The following SLC15A5 variants were observed in gnomAD, a reference collection of about 807,000 sequenced individuals.
SLC15A5 encodes Peptide/histidine transporter ENSP00000340402.
SLC15A5 carries 58 observed loss-of-function variants against 56.1 expected under a neutral mutation model. The observed-to-expected ratio is 1.03, with a 90% CI of 0.84 to 1.29. The LOEUF (loss-of-function observed/expected upper bound fraction) is 1.29, where lower values mean the gene tolerates loss of function less well. Among genes scored for constraint, SLC15A5 ranks in the 50% most tolerant of loss-of-function variants. The pLI, the probability that SLC15A5 is intolerant of heterozygous loss-of-function variation, is 0.00. For synonymous variants in SLC15A5, 264 were observed against 250.5 expected (o/e 1.05, Z -0.51); for missense variants, 681 against 672.1 (o/e 1.01, Z -0.15).
Position 16,257,709 on chromosome 12 carries a change from G to T in SLC15A5, c.746C>A (p.Ser249Ter). 2 of 1,463,690 alleles carry T rather than the reference G, an allele frequency of 1.4e-6. No individual in the cohort carries two copies. Among genetic ancestry groups the T allele is most frequent in the Non-Finnish European group, 1.8e-6 (2 of 1,117,828 alleles). The allele number at this position is 1,463,690 out of a possible 1,614,324, so 90.7% of individuals were successfully genotyped here. A position where few individuals can be genotyped will look rare whatever the true frequency, so the allele number is the denominator to read the frequency against. The change falls in exon 3 of 9, where the codon TCA (serine) becomes TAA (stop). Residue 249 changes from serine to a stop codon, truncating the protein, a stop_gained. Coordinates refer to ENST00000344941, the MANE Select transcript of SLC15A5 (RefSeq NM_001170798.1). LOFTEE classifies it high-confidence loss of function. The part of the protein sequence containing the change: ...HMIYYNLIYQ[S>*]EKRCSLLTGV... Reference sequence around the variant, plus strand: ...ACGCATAATTTACTTACGTTTTTCTGACTGATAAATTAGGTTGTAGTATAT... The same window carrying T: ...ACGCATAATTTACTTACGTTTTTCTTACTGATAAATTAGGTTGTAGTATAT...
chr12:16,208,221 C>G (rs1215590975), intron 7 of SLC15A5, among the ~76,000 whole-genome samples: 1 of 152,160 alleles, frequency 6.6e-6, no homozygotes, highest in Non-Finnish European at 1.5e-5. Context: ...TATCCACCTT[C>G]CAATAAGAAG....
chr12:16,260,656 T>C (rs1864634274), intron 2 of SLC15A5, among the ~76,000 whole-genome samples: 1 of 152,018 alleles, frequency 6.6e-6, no homozygotes, highest in African/African-American at 2.4e-5. Flanking sequence ...AAGTTTAAAA[T>C]TTTAATAAAT....
chr12:16,192,559 A>T lies in SLC15A5; in HGVS notation c.1592+1786T>A, dbSNP rs528813322. Among the ~76,000 whole-genome samples, 7 of 152,130 alleles carry T rather than the reference A, an allele frequency of 4.6e-5. No individual in the cohort carries two copies. The South Asian group carries it at 1.0e-3, about 22-fold the overall frequency. ...TTGAATATTTTAATTTGGGCCCTAG[A>T]TGTTAGCTCCATGTAGACTACAAGT... On this transcript the variant is annotated intron_variant, in intron 8 of 8. Transcript: ENST00000344941.
intron 5 of SLC15A5, among the ~76,000 whole-genome samples, chr12:16,232,991 A>C (rs1278393196): frequency 1.5e-5 from 2 of 137,746 alleles, no homozygotes. Flanking sequence ...AGAGGGAGGG[A>C]GGGAGGGAAG....
chr12:16,189,711 T>G lies in SLC15A5; in HGVS notation c.1697A>C (p.Gln566Pro). 6.5e-7 allele frequency: 1 copy of G among 1,529,510 alleles called. No individual in the cohort carries two copies. Among genetic ancestry groups the G allele is most frequent in the Non-Finnish European group, 8.7e-7 (1 of 1,143,672 alleles). The allele number at this position is 1,529,510 out of a possible 1,614,324, so 94.7% of individuals were successfully genotyped here. A position where few individuals can be genotyped will look rare whatever the true frequency, so the allele number is the denominator to read the frequency against. Reference protein sequence around the residue: ...EKSLKFYGSIQEFSSSIDLWE... With the variant: ...EKSLKFYGSIPEFSSSIDLWE... ...AAGATCAATACTTGAAGAAAATTCC[T>G]GTATACTGCCATAAAATTTCAGAGA... Residue 566 changes from glutamine (Q) to proline (P), a missense_variant, in exon 9 of 9, where the codon CAG (glutamine) becomes CCG (proline). Physicochemically the swap from Gln to Pro is moderately conservative, Grantham distance 76 (BLOSUM62 -1). Coordinates refer to ENST00000344941, the MANE Select transcript of SLC15A5 (RefSeq NM_001170798.1).
chr12:16,270,168 T>G (rs568488574), intron 2 of SLC15A5, among the ~76,000 whole-genome samples: 32 of 152,312 alleles, frequency 2.1e-4, no homozygotes, highest in African/African-American at 7.5e-4. Context: ...ATTTGGCAGC[T>G]TTACTCGGAA....
intron 3 of SLC15A5, among the ~76,000 whole-genome samples, chr12:16,245,430 C>T (rs1591654154): frequency 6.6e-6 from 1 of 152,174 alleles, no homozygotes. Context: ...GTTTACATGG[C>T]TGTTGCTGCA....
chr12:16,204,871 A>G (rs1863998756), intron 7 of SLC15A5, among the ~76,000 whole-genome samples: 2 of 152,130 alleles, frequency 1.3e-5, no homozygotes, highest in Non-Finnish European at 2.9e-5. Flanking sequence ...TTAGTCCAAA[A>G]TGGGAAACCA....
intron 3 of SLC15A5, among the ~76,000 whole-genome samples, chr12:16,255,824 T>A (rs1591657398): frequency 6.6e-6 from 1 of 152,072 alleles, no homozygotes; most frequent in African/African-American, 2.4e-5. Flanking sequence ...GTGAATTATA[T>A]GTTACTTCTT....
At chr12:16,260,793 C>A (rs1864636424) in intron 2 of SLC15A5, among the ~76,000 whole-genome samples, 1 of 150,256 alleles carries the variant, frequency 6.7e-6, no homozygotes, top group Non-Finnish European at 1.5e-5. Flanking sequence ...GGGTTTTGAT[C>A]TCATATAAAG....
chr12:16,256,350 T>G (rs776985822), intron 3 of SLC15A5, among the ~76,000 whole-genome samples: 11 of 152,190 alleles, frequency 7.2e-5, no homozygotes, highest in Non-Finnish European at 1.5e-4. Context: ...CATCAATGAA[T>G]GCTAACTCTG....
chr12:16,246,799 A>G (rs1864466284), intron 3 of SLC15A5, among the ~76,000 whole-genome samples: 2 of 152,178 alleles, frequency 1.3e-5, no homozygotes, highest in Admixed American at 1.3e-4. Context: ...CTTCTAATAC[A>G]TGACAAATTG....
intron 3 of SLC15A5, among the ~76,000 whole-genome samples, chr12:16,250,641 T>C (rs1864510670): frequency 6.6e-6 from 1 of 151,966 alleles, no homozygotes; most frequent in African/African-American, 2.4e-5. Context: ...AAACATAGAC[T>C]TTTTAATAAG....
At chr12:16,276,524 ATC>A (rs962822798) in intron 1 of SLC15A5, among the ~76,000 whole-genome samples, 2 of 151,824 alleles carry the variant, frequency 1.3e-5, no homozygotes, top group East Asian at 3.9e-4. Context: ...AGATTTTCTG[ATC>A]TCTCTCTATT....
intron 6 of SLC15A5, among the ~76,000 whole-genome samples, chr12:16,217,439 C>T (rs1250197025): frequency 1.3e-5 from 2 of 152,070 alleles, no homozygotes; most frequent in Non-Finnish European, 2.9e-5. Flanking sequence ...ATAAAATTTG[C>T]ATCAAGGTTA....
Position 16,215,269 on chromosome 12 carries a change from T to C in SLC15A5, c.1483+1624A>G, listed in dbSNP as rs971779992. On this transcript the variant is annotated intron_variant, in intron 7 of 8. Coordinates refer to ENST00000344941, the MANE Select transcript of SLC15A5 (RefSeq NM_001170798.1). ...GTCTTGGGGAGAACTTAGCCAAGAT[T>C]GTTTGGTCTAACTCTGGGTAGGTTG... is the stretch of plus-strand genomic sequence containing the variant. Among the ~76,000 whole-genome samples, 5 of 150,952 alleles carry C rather than the reference T, an allele frequency of 3.3e-5. No homozygotes were observed. In the East Asian group the frequency reaches 5.9e-4, roughly 18 times the overall value.
chr12:16,208,774 T>C (rs1055215742), intron 7 of SLC15A5, among the ~76,000 whole-genome samples: 6 of 152,326 alleles, frequency 3.9e-5, no homozygotes, highest in African/African-American at 1.4e-4. Flanking sequence ...AATGAGGAAT[T>C]ATTTTTTAGT....
At chr12:16,263,656 C>T (rs1470818427) in intron 2 of SLC15A5, among the ~76,000 whole-genome samples, 1 of 152,076 alleles carries the variant, frequency 6.6e-6, no homozygotes, top group Non-Finnish European at 1.5e-5. Context: ...TTCTAAGAGG[C>T]AAAAATGGTT....
In SLC15A5 at chr12:16,229,009, A is replaced by G. The variant is rs571928701; in HGVS notation, c.1163-4407T>C. ...ATTATAAATCAATTTGCTTCTATCC[A>G]TAGCCACTGCCATCATTCCAAGCCA... On this transcript the variant is annotated intron_variant, in intron 5 of 8. Coordinates refer to ENST00000344941, the MANE Select transcript of SLC15A5 (RefSeq NM_001170798.1). Among the ~76,000 whole-genome samples the G allele has an allele frequency of 3.9e-5, 6 of 152,264 alleles. No homozygotes were observed. In the South Asian group the frequency reaches 8.3e-4, roughly 21 times the overall value.
Sources: gnomAD v4.1 joint callset for allele counts (sites outside exome capture counted in the v4.1 genomes callset) on GRCh38, gnomAD v4.1.1 for gene constraint, MANE v1.5 for transcripts, NCBI Gene and HGNC (gene_info 2026-07-23, HGNC 2026-07-21) for gene names.